Variants in TMEM131 observed in about 807,000 individuals in gnomAD.
The protein encoded by TMEM131 is transmembrane protein 131, also known as 2610524E03Rik.
Under a neutral mutation model 211.6 loss-of-function variants are expected in TMEM131, and 66 were observed. That is an observed-to-expected ratio of 0.31 (90% CI 0.26 to 0.38). The LOEUF (loss-of-function observed/expected upper bound fraction) is 0.38. Among genes scored for constraint, TMEM131 ranks in the 10% least tolerant of loss-of-function variants. The pLI is 1.00. For synonymous variants in TMEM131, 844 were observed against 841.3 expected (o/e 1.00, Z -0.06); for missense variants, 2,036 against 2,299.3 (o/e 0.89, Z 2.34).
chr2:97,987,187 C>T (rs1680062977), intron 1 of TMEM131, among the ~76,000 whole-genome samples: 1 of 152,232 alleles, frequency 6.6e-6, no homozygotes, highest in Non-Finnish European at 1.5e-5. Flanking sequence ...ACTGCCATAT[C>T]ACTTTGCAAT....
chr2:97,846,747 C>A (rs1573452472), intron 5 of TMEM131, among the ~76,000 whole-genome samples: 1 of 152,124 alleles, frequency 6.6e-6, no homozygotes, highest in Non-Finnish European at 1.5e-5. Context: ...TTCCAATGTG[C>A]CCCAGGGAAG....
At chr2:97,848,264 A>G (rs1683538651) in intron 5 of TMEM131, among the ~76,000 whole-genome samples, 1 of 152,218 alleles carries the variant, frequency 6.6e-6, no homozygotes, top group Admixed American at 6.5e-5. Context: ...ACAAAACAAA[A>G]CAATCCTCAA....
At chr2:97,825,734 C>G (rs988560655) in intron 11 of TMEM131, among the ~76,000 whole-genome samples, 1 of 152,196 alleles carries the variant, frequency 6.6e-6, no homozygotes, top group African/African-American at 2.4e-5. Context: ...AACCCCACAA[C>G]CAGCGGCATA....
chr2:97,942,984 GAAAA>G (rs1204156434), intron 1 of TMEM131, among the ~76,000 whole-genome samples: 2 of 31,192 alleles, frequency 6.4e-5, no homozygotes, highest in Non-Finnish European at 6.8e-5. Flanking sequence ...AAGAAAGAAA[GAAAA>G]GAAAGAAAAG....
intron 1 of TMEM131, among the ~76,000 whole-genome samples, chr2:97,944,133 CAG>C (rs1285952578): frequency 5.3e-5 from 8 of 151,990 alleles, no homozygotes; most frequent in Non-Finnish European, 1.2e-4. Context: ...ATAGATCAAA[CAG>C]AATAGAACTG....
intron 1 of TMEM131, among the ~76,000 whole-genome samples, chr2:97,942,328 G>T: frequency 8.5e-6 from 1 of 118,084 alleles, no homozygotes; most frequent in Non-Finnish European, 1.7e-5. Context: ...CCTGTCAATG[G>T]GGTGGGGGGA....
chr2:97,900,719 G>A (rs1198610136), intron 3 of TMEM131, among the ~76,000 whole-genome samples: 1 of 143,192 alleles, frequency 7.0e-6, no homozygotes, highest in Non-Finnish European at 1.5e-5. Flanking sequence ...CATTTCTCTT[G>A]TATATATACC....
At chr2:97,879,236 C>T (rs1387636241) in intron 4 of TMEM131, among the ~76,000 whole-genome samples, 3 of 151,992 alleles carry the variant, frequency 2.0e-5, no homozygotes, top group Non-Finnish European at 4.4e-5. Context: ...GAAAGGATAC[C>T]GGCAGTGAGA....
intron 1 of TMEM131, among the ~76,000 whole-genome samples, chr2:97,983,986 C>A (rs891403266): frequency 3.9e-5 from 6 of 152,150 alleles, no homozygotes; most frequent in Non-Finnish European, 8.8e-5. Context: ...TAGCTACAGG[C>A]ACAATAGGAA....
At chr2:97,923,396 G>C (rs779580395) in intron 2 of TMEM131, among the ~76,000 whole-genome samples, 42 of 152,120 alleles carry the variant, frequency 2.8e-4, no homozygotes, top group Admixed American at 7.9e-4. Context: ...GCTGAGATGG[G>C]AGGACTGCTT....
At chr2:97,838,820 A>G (rs1183353358) in intron 7 of TMEM131, among the ~76,000 whole-genome samples, 1 of 152,156 alleles carries the variant, frequency 6.6e-6, no homozygotes, top group Non-Finnish European at 1.5e-5. Context: ...TGCATTTACC[A>G]AAGACTGATA....
intron 1 of TMEM131, among the ~76,000 whole-genome samples, chr2:97,971,766 G>C (rs1679305170): frequency 6.6e-6 from 1 of 152,226 alleles, no homozygotes; most frequent in Non-Finnish European, 1.5e-5. Context: ...GGGGGCTGAG[G>C]CAGGAGGATT....
Position 97,792,836 on chromosome 2 carries a change from C to T in TMEM131, c.3694G>A (p.Val1232Met), listed in dbSNP as rs372734681. The change falls in exon 31 of 41, where the codon GTG becomes ATG. Residue 1232 changes from valine (V) to methionine (M), a missense_variant. This residue lies in a region of TMEM131 where 1,623 missense variants were observed against 1,805.9 expected (regional missense o/e 0.90). Transcript: ENST00000186436. ...SSHSNRNSAD[V>M]ENVRAKNSSS... ...CTGTTTTTGGCTCTGACGTTTTCCA[C>T]GTCAGCTGAGTTTCTATTGCTGTGA... 3.8e-5 allele frequency: 61 copies of T among 1,613,844 alleles called. No homozygotes were observed. The highest frequency in any genetic ancestry group is 4.0e-5 in the African/African-American group (3 of 74,928).
At position 97,831,664 on chromosome 2, in the gene TMEM131, C is replaced by CTTTTTTT. The variant is rs11378393; in HGVS notation, c.1074+1694_1074+1700dup. ...ATATACTTTCATGTTTCACATACCT[C>CTTTTTTT]TTTTTTTTTTTTTTTTTTTTTTTTT... On this transcript the variant is annotated intron_variant, in intron 11 of 40. Transcript: ENST00000186436. Among the ~76,000 whole-genome samples, 104 of 80,624 alleles carry CTTTTTTT rather than the reference C, an allele frequency of 1.3e-3. 7 individuals carry two copies. Among genetic ancestry groups the CTTTTTTT allele is most frequent in the African/African-American group, 2.3e-3 (46 of 19,788 alleles). The allele number at this position is 80,624 out of a possible 152,430, so 52.9% of individuals were successfully genotyped here. A position where few individuals can be genotyped will look rare whatever the true frequency, so the allele number is the denominator to read the frequency against.
At chr2:97,817,364 G>C (rs1212891404) in intron 12 of TMEM131, among the ~76,000 whole-genome samples, 1 of 152,174 alleles carries the variant, frequency 6.6e-6, no homozygotes, top group Non-Finnish European at 1.5e-5. Context: ...GAGGCAGCCA[G>C]ATCACCTGAG....
intron 3 of TMEM131, among the ~76,000 whole-genome samples, chr2:97,898,405 A>C (rs1021888703): frequency 1.2e-4 from 18 of 152,090 alleles, no homozygotes; most frequent in Non-Finnish European, 2.2e-4. Context: ...AATCCCCACT[A>C]TGACTATTAT....
At chr2:97,896,641 T>C (rs1675624623) in intron 3 of TMEM131, among the ~76,000 whole-genome samples, 2 of 152,212 alleles carry the variant, frequency 1.3e-5, no homozygotes, top group Non-Finnish European at 2.9e-5. Flanking sequence ...TTTTGATCTT[T>C]GTTGGTTTCA....
At chr2:97,819,120 C>T (rs552412900) in intron 11 of TMEM131, among the ~76,000 whole-genome samples, 6 of 152,306 alleles carry the variant, frequency 3.9e-5, no homozygotes, top group African/African-American at 7.2e-5. Context: ...AACCATATGA[C>T]GGTGAAGAAT....
chr2:97,838,941 T>C (rs1051294553), intron 7 of TMEM131, among the ~76,000 whole-genome samples: 10 of 152,214 alleles, frequency 6.6e-5, no homozygotes, highest in South Asian at 2.1e-4. Flanking sequence ...AGGATGACTA[T>C]AGAACTTTTT....
Sources: allele counts gnomAD v4.1 joint callset (sites outside exome capture counted in the v4.1 genomes callset), GRCh38; gene constraint gnomAD v4.1.1; regional missense constraint gnomAD v4.1.1; transcripts MANE v1.5; gene names NCBI Gene and HGNC (gene_info 2026-07-23, HGNC 2026-07-21).